Variants in SCAMP1 observed in about 807,000 individuals in gnomAD.
The protein encoded by SCAMP1 is secretory carrier-associated membrane protein 1.
Under a neutral mutation model 41.8 loss-of-function variants are expected in SCAMP1, and 15 were observed. The observed-to-expected ratio is 0.36, with a 90% CI of 0.24 to 0.55. The LOEUF is 0.55. SCAMP1 is among the 20% of genes least tolerant of loss of function. The pLI, the probability that SCAMP1 is intolerant of heterozygous loss-of-function variation, is 0.86. For synonymous variants in SCAMP1, 135 were observed against 136.8 expected (o/e 0.99, Z 0.09); for missense variants, 341 against 412.6 (o/e 0.83, Z 1.50).
chr5:78,429,364 A>AT (rs35131102), intron 6 of SCAMP1, among the ~76,000 whole-genome samples: 3 of 136,554 alleles, frequency 2.2e-5, no homozygotes, highest in East Asian at 2.3e-4. Flanking sequence ...TTTTTTTTTA[A>AT]TTTTTTTTTA....
intron 2 of SCAMP1, among the ~76,000 whole-genome samples, chr5:78,403,349 A>G (rs1023245388): frequency 6.6e-6 from 1 of 152,154 alleles, no homozygotes; most frequent in Non-Finnish European, 1.5e-5. Flanking sequence ...CCATCTTTGT[A>G]TCATTGCTGT....
intron 2 of SCAMP1, among the ~76,000 whole-genome samples, chr5:78,394,787 A>G (rs1255185740): frequency 6.6e-6 from 1 of 152,108 alleles, no homozygotes; most frequent in Non-Finnish European, 1.5e-5. Flanking sequence ...ATTTAATGAT[A>G]CTGTTGACTT....
intron 1 of SCAMP1, among the ~76,000 whole-genome samples, chr5:78,375,422 T>TA (rs963294784): frequency 2.1e-4 from 32 of 152,252 alleles, no homozygotes; most frequent in African/African-American, 7.5e-4. Flanking sequence ...AAAGAAAAGA[T>TA]ACAGAACCCA....
chr5:78,371,848 C>T (rs1040174399), intron 1 of SCAMP1, among the ~76,000 whole-genome samples: 1 of 152,076 alleles, frequency 6.6e-6, no homozygotes, highest in African/African-American at 2.4e-5. Flanking sequence ...ACACTGGAAC[C>T]CCTTAAACTC....
intron 8 of SCAMP1, among the ~76,000 whole-genome samples, chr5:78,473,107 C>T (rs145468390): frequency 9.3e-4 from 141 of 152,180 alleles, no homozygotes; most frequent in Non-Finnish European, 1.8e-3. Flanking sequence ...AAAATAATTA[C>T]TTTTATACTT....
intron 2 of SCAMP1, among the ~76,000 whole-genome samples, chr5:78,399,834 A>G (rs1466049690): frequency 1.3e-5 from 2 of 152,196 alleles, no homozygotes; most frequent in South Asian, 2.1e-4. Context: ...GGATCATGCC[A>G]TTGTTGTTCT....
intron 6 of SCAMP1, among the ~76,000 whole-genome samples, chr5:78,425,763 T>C (rs186247974): frequency 1.3e-5 from 2 of 152,292 alleles, no homozygotes; most frequent in Admixed American, 1.3e-4. Context: ...CCCACTCTTA[T>C]GGGAAAATTC....
At position 78,459,814 on chromosome 5, in the gene SCAMP1, A is replaced by C. The variant is rs540315579; in HGVS notation, c.852+452A>C. ...GAGGGAACATGTGCAGGTTTGTTAC[A>C]TGGTTATGTTGCATAATGCTGGGGT... is the stretch of plus-strand genomic sequence containing the variant. On this transcript the variant is annotated intron_variant, in intron 8 of 8. Coordinates refer to ENST00000621999, the MANE Select transcript of SCAMP1 (RefSeq NM_004866.6). 2.6e-5 allele frequency among the ~76,000 whole-genome samples: 4 copies of C among 152,262 alleles called. No individual in the cohort carries two copies. In the South Asian group the frequency reaches 8.3e-4, roughly 32 times the overall value.
chr5:78,460,973 A>C (rs545183569), intron 8 of SCAMP1, among the ~76,000 whole-genome samples: 2 of 151,674 alleles, frequency 1.3e-5, no homozygotes, highest in Non-Finnish European at 2.9e-5. Context: ...TTCCTGTCTC[A>C]GCCTCTTGAG....
intron 6 of SCAMP1, among the ~76,000 whole-genome samples, chr5:78,436,423 G>A (rs1205208782): frequency 6.6e-6 from 1 of 152,196 alleles, no homozygotes; most frequent in Non-Finnish European, 1.5e-5. Context: ...AAGGGATCCG[G>A]TTTCAGCTTT....
chr5:78,470,064 C>G (rs1753848615), intron 8 of SCAMP1, among the ~76,000 whole-genome samples: 3 of 151,852 alleles, frequency 2.0e-5, no homozygotes, highest in African/African-American at 7.3e-5. Context: ...TACACTCCAG[C>G]CTGGGCTACT....
Position 78,360,633 on chromosome 5 carries a change from T to C in SCAMP1, c.-39T>C, listed in dbSNP as rs762113806. ...GGCGGCCTCGCCTCGTCTCTCTCTCTGCGCCTGGGTCGGGTGGGTGACGCC... is the reference window on the plus strand; with the variant it reads ...GGCGGCCTCGCCTCGTCTCTCTCTCCGCGCCTGGGTCGGGTGGGTGACGCC... On this transcript the variant is annotated 5_prime_UTR_variant, in exon 1 of 9. Transcript: ENST00000621999. 1.9e-6 allele frequency: 3 copies of C among 1,587,612 alleles called. No individual in the cohort carries two copies. Among genetic ancestry groups the C allele is most frequent in the Non-Finnish European group, 2.6e-6 (3 of 1,167,568 alleles).
At position 78,477,092 on chromosome 5, in the gene SCAMP1, C is replaced by G. The variant is rs1008343676; in HGVS notation, c.*1424C>G. On this transcript the variant is annotated 3_prime_UTR_variant, in exon 9 of 9. Coordinates refer to ENST00000621999, the MANE Select transcript of SCAMP1 (RefSeq NM_004866.6). ...GATTGTGATATTAGAGGCTGGAAAT[C>G]CTTATTTTTTAAAAAATCAGATAGG... 6.6e-6 allele frequency: 1 copy of G among 152,010 alleles called. No homozygotes were observed. The highest frequency in any genetic ancestry group is 2.4e-5 in the African/African-American group (1 of 41,408). 9.4% of individuals were successfully genotyped at this position (152,010 alleles called of 1,614,324 possible).
At chr5:78,448,803 C>T (rs1332060333) in intron 6 of SCAMP1, among the ~76,000 whole-genome samples, 1 of 152,052 alleles carries the variant, frequency 6.6e-6, no homozygotes, top group African/African-American at 2.4e-5. Context: ...GAGTTCGAGA[C>T]CAACCTGACC....
intron 1 of SCAMP1, among the ~76,000 whole-genome samples, chr5:78,381,700 T>G (rs539106884): frequency 6.6e-6 from 1 of 152,294 alleles, no homozygotes; most frequent in Non-Finnish European, 1.5e-5. Context: ...ACTAAAGCCT[T>G]TATGTTTTGT....
chr5:78,360,845 G>T, intron 1 of SCAMP1, 117 bp downstream of exon 1: 2 of 1,009,116 alleles, frequency 2.0e-6, no homozygotes, highest in South Asian at 2.9e-5. Flanking sequence ...GCCCAGAGAG[G>T]GGCGCGGGGC....
intron 7 of SCAMP1, among the ~76,000 whole-genome samples, chr5:78,456,441 T>C (rs1040469745): frequency 2.6e-5 from 4 of 152,144 alleles, no homozygotes; most frequent in South Asian, 2.1e-4. Flanking sequence ...CCTTCACTTA[T>C]GAAGTTTAGT....
At chr5:78,396,924 T>C (rs1259363252) in intron 2 of SCAMP1, among the ~76,000 whole-genome samples, 2 of 152,210 alleles carry the variant, frequency 1.3e-5, no homozygotes, top group African/African-American at 4.8e-5. Context: ...TGGTTGAGTG[T>C]TGGGAGCAAA....
At chr5:78,379,116 A>G (rs1293950359) in intron 1 of SCAMP1, among the ~76,000 whole-genome samples, 1 of 152,250 alleles carries the variant, frequency 6.6e-6, no homozygotes, top group East Asian at 1.9e-4. Flanking sequence ...TAGGAATTGG[A>G]AAGTCCTAGT....
Sources: allele counts gnomAD v4.1 joint callset (sites outside exome capture counted in the v4.1 genomes callset), GRCh38; gene constraint gnomAD v4.1.1; transcripts MANE v1.5; gene names NCBI Gene and HGNC (gene_info 2026-07-23, HGNC 2026-07-21).